The following MTPAP variants were observed in gnomAD, a reference collection of about 807,000 sequenced individuals.
MTPAP encodes the protein mitochondrial poly(A) polymerase.
A neutral mutation model predicts 48.7 loss-of-function variants in MTPAP; 23 were observed. The observed-to-expected ratio is 0.47, with a 90% CI of 0.34 to 0.67. The LOEUF is 0.67. Among genes scored for constraint, MTPAP ranks in the 30% least tolerant of loss-of-function variants. The pLI is 0.01. For synonymous variants in MTPAP, 257 were observed against 254.1 expected (o/e 1.01, Z -0.11); for missense variants, 614 against 694.3 (o/e 0.88, Z 1.30).
At chr10:30,337,723 A>G (rs1169988751) in intron 3 of MTPAP, among the ~76,000 whole-genome samples, 1 of 152,236 alleles carries the variant, frequency 6.6e-6, no homozygotes, top group Non-Finnish European at 1.5e-5. Flanking sequence ...AAAGTACTCC[A>G]GAAGAGGTTA....
intron 4 of MTPAP, among the ~76,000 whole-genome samples, chr10:30,328,008 A>G (rs1417445552): frequency 6.6e-6 from 1 of 152,202 alleles, no homozygotes; most frequent in Non-Finnish European, 1.5e-5. Context: ...ACACAAAAGA[A>G]TATGATTGCA....
intron 3 of MTPAP, among the ~76,000 whole-genome samples, chr10:30,338,039 C>A (rs191772165): frequency 6.6e-6 from 1 of 152,034 alleles, no homozygotes; most frequent in Non-Finnish European, 1.5e-5. Context: ...GCGGGAGGAT[C>A]GCTTGAGCTC....
intron 6 of MTPAP, among the ~76,000 whole-genome samples, chr10:30,319,936 A>G (rs943877755): frequency 6.6e-6 from 1 of 152,230 alleles, no homozygotes; most frequent in Non-Finnish European, 1.5e-5. Context: ...TTTTGATGCT[A>G]TACGATGTGA....
At chr10:30,339,136 A>T (rs906030169) in intron 3 of MTPAP, among the ~76,000 whole-genome samples, 1 of 151,838 alleles carries the variant, frequency 6.6e-6, no homozygotes, top group Non-Finnish European at 1.5e-5. Flanking sequence ...ACAAAAACAA[A>T]AACAAACAAA....
At chr10:30,314,894 AAAAAAAAAAAAGAAG>A (rs929488201) in intron 8 of MTPAP, among the ~76,000 whole-genome samples, 4 of 146,308 alleles carry the variant, frequency 2.7e-5, no homozygotes, top group African/African-American at 1.1e-4. Context: ...CAAAAAAAAA[AAAAAAAAAAAAGAAG>A]AGAAAAGAAA....
intron 3 of MTPAP, among the ~76,000 whole-genome samples, 187 bp from the exon 4 acceptor site, chr10:30,337,214 C>T (rs1160134307): frequency 1.3e-5 from 2 of 151,994 alleles, no homozygotes; most frequent in African/African-American, 2.4e-5. Flanking sequence ...CACCTGAGGC[C>T]GGAATTTCGC....
chr10:30,320,522 A>AAAAT (rs1255657127), intron 6 of MTPAP, among the ~76,000 whole-genome samples: 4 of 152,148 alleles, frequency 2.6e-5, no homozygotes, highest in Non-Finnish European at 5.9e-5. Flanking sequence ...ACCCTTTCTT[A>AAAAT]AAATAAATAA....
intron 4 of MTPAP, among the ~76,000 whole-genome samples, chr10:30,334,920 A>G (rs1834710590): frequency 6.6e-6 from 1 of 152,246 alleles, no homozygotes; most frequent in Non-Finnish European, 1.5e-5. Flanking sequence ...GTGAGAGTTT[A>G]TAAGGGACTG....
intron 6 of MTPAP, among the ~76,000 whole-genome samples, chr10:30,319,386 A>G (rs1840696387): frequency 6.6e-6 from 1 of 152,220 alleles, no homozygotes. Flanking sequence ...TTTTTCTTTT[A>G]AAAAAGAACA....
chr10:30,342,155 G>A (rs1239894207), intron 1 of MTPAP, among the ~76,000 whole-genome samples: 1 of 152,128 alleles, frequency 6.6e-6, no homozygotes. Flanking sequence ...AGAATCACTT[G>A]AAACCAGGTG....
chr10:30,332,664 C>A (rs1217636460), intron 4 of MTPAP, among the ~76,000 whole-genome samples: 1 of 152,048 alleles, frequency 6.6e-6, no homozygotes, highest in South Asian at 2.1e-4. Flanking sequence ...ACCTCTATAC[C>A]TCAGAAATCT....
intron 3 of MTPAP, among the ~76,000 whole-genome samples, chr10:30,339,458 G>A (rs888070311): frequency 1.4e-5 from 2 of 139,506 alleles, no homozygotes; most frequent in African/African-American, 5.3e-5. Context: ...ACTCCAGCCT[G>A]GGCAAGAGCG....
chr10:30,313,733 G>C lies in MTPAP; in HGVS notation c.1625C>G (p.Thr542Ser), dbSNP rs1840628053. Residue 542 changes from threonine (T) to serine (S), a missense_variant, in exon 9 of 9, where the codon ACC (threonine) becomes AGC (serine). Thr to Ser is a moderately conservative substitution (Grantham distance 58). This residue lies in a region of MTPAP where 109 missense variants were observed against 100.5 expected (regional missense o/e 1.08). Transcript: ENST00000263063. ...LPSAPNRKSF[T>S]KKKSNKFAIE... ...TGCAAACTTATTGCTTTTCTTCTTG[G>C]TAAAGGACTTTCTGTTTGGAGCAGA... 1.9e-6 allele frequency: 3 copies of C among 1,613,974 alleles called. No homozygotes were observed. The highest frequency in any genetic ancestry group is 1.7e-5 in the Admixed American group (1 of 59,992).
chr10:30,334,668 G>T (rs1834707922), intron 4 of MTPAP, among the ~76,000 whole-genome samples: 1 of 151,904 alleles, frequency 6.6e-6, no homozygotes, highest in Non-Finnish European at 1.5e-5. Flanking sequence ...CTTAAAAAAA[G>T]AAAAATAAAA....
intron 4 of MTPAP, among the ~76,000 whole-genome samples, chr10:30,334,428 A>C (rs1834705644): frequency 6.6e-6 from 1 of 152,166 alleles, no homozygotes; most frequent in African/African-American, 2.4e-5. Flanking sequence ...CGGGAGGCCA[A>C]GGTGTGTGGA....
chr10:30,322,525 C>A lies in MTPAP; in HGVS notation c.1085G>T (p.Arg362Leu). 1.2e-6 allele frequency: 2 copies of A among 1,613,792 alleles called. No individual in the cohort carries two copies. Among genetic ancestry groups the A allele is most frequent in the South Asian group, 1.1e-5 (1 of 91,060 alleles). The stretch of plus-strand genomic sequence containing the variant: ...AATACTACTTGTTAGTGAATGTGCT[C>A]GAGCCCAGCACCGTACACTGAACAC... ...ALVFSVRCWA[R>L]AHSLTSSIPG... Residue 362 changes from arginine (R) to leucine (L), a missense_variant, in exon 6 of 9, where the codon CGA (arginine) becomes CTA (leucine). Physicochemically the swap from Arg to Leu is moderately radical, Grantham distance 102 (BLOSUM62 -2). Transcript: ENST00000263063.
At chr10:30,327,945 T>C (rs959629) in intron 4 of MTPAP, among the ~76,000 whole-genome samples, 61,355 of 152,034 alleles carry the variant, frequency 0.4, 15,348 homozygotes, top group Middle Eastern at 0.57. Context: ...TGAATGCTTT[T>C]ACGATCTTAG....
In MTPAP at chr10:30,337,044, A is replaced by G. The variant is rs1445294708; in HGVS notation, c.556-17T>C. 9 of 1,582,138 alleles carry G rather than the reference A, an allele frequency of 5.7e-6. No homozygotes were observed. The highest frequency in any genetic ancestry group is 1.3e-5 in the African/African-American group (1 of 74,202). ...ATCGTCTATCTAGCTAGCCGAAACA[A>G]AACCAACAAAATAGAGAAAAAGTAC... On this transcript the variant is annotated splice_polypyrimidine_tract_variant and intron_variant, in intron 3 of 8. Transcript: ENST00000263063.
intron 5 of MTPAP, 64 bp downstream of exon 5, chr10:30,326,360 G>T: frequency 7.1e-7 from 1 of 1,417,884 alleles, no homozygotes; most frequent in Non-Finnish European, 9.8e-7. Flanking sequence ...GTTTCTGTGT[G>T]AGAAACACTA....
Sources: gnomAD v4.1 joint callset for allele counts (sites outside exome capture counted in the v4.1 genomes callset) on GRCh38, gnomAD v4.1.1 for gene constraint, gnomAD v4.1.1 regional missense constraint, MANE v1.5 for transcripts, NCBI Gene and HGNC (gene_info 2026-07-23, HGNC 2026-07-21) for gene names.